Variants in EMCN observed in about 807,000 individuals in gnomAD.
The protein encoded by EMCN is MUC-14.
EMCN carries 37 observed loss-of-function variants against 38.4 expected under a neutral mutation model. That is an observed-to-expected ratio of 0.96 (90% CI 0.74 to 1.27). The LOEUF (loss-of-function observed/expected upper bound fraction) is 1.27. Among genes scored for constraint, EMCN ranks in the 50% most tolerant of loss-of-function variants. The pLI is 0.00. For synonymous variants in EMCN, 95 were observed against 100.8 expected (o/e 0.94, Z 0.35); for missense variants, 318 against 302.8 (o/e 1.05, Z -0.37).
chr4:100,479,673 C>T (rs192696899), intron 2 of EMCN, among the ~76,000 whole-genome samples: 3 of 152,080 alleles, frequency 2.0e-5, no homozygotes, highest in African/African-American at 7.2e-5. Context: ...GTGTATGTAA[C>T]ATTCACAATA....
At chr4:100,422,555 C>T (rs1726917301) in intron 7 of EMCN, among the ~76,000 whole-genome samples, 1 of 151,758 alleles carries the variant, frequency 6.6e-6, no homozygotes, top group African/African-American at 2.4e-5. Flanking sequence ...TCTATGAAGG[C>T]AAACAATTCA....
At chr4:100,489,190 AGG>A (rs1207753649) in intron 1 of EMCN, among the ~76,000 whole-genome samples, 1 of 152,168 alleles carries the variant, frequency 6.6e-6, no homozygotes, top group Non-Finnish European at 1.5e-5. Context: ...CATTGGCTAT[AGG>A]TTTAGAACTG....
At chr4:100,426,255 C>A (rs894525900) in intron 5 of EMCN, among the ~76,000 whole-genome samples, 4 of 152,128 alleles carry the variant, frequency 2.6e-5, no homozygotes, top group African/African-American at 9.7e-5. Context: ...TCCTCTGAAA[C>A]CCATCTCTCT....
At chr4:100,505,005 G>C (rs1054970757) in intron 1 of EMCN, among the ~76,000 whole-genome samples, 5 of 152,340 alleles carry the variant, frequency 3.3e-5, no homozygotes, top group Admixed American at 6.5e-5. Flanking sequence ...AGTACTAAAA[G>C]TCTCTGATAT....
intron 2 of EMCN, among the ~76,000 whole-genome samples, chr4:100,478,127 A>G (rs736516): frequency 0.26 from 39,433 of 151,948 alleles, 5,598 homozygotes; most frequent in African/African-American, 0.36. Flanking sequence ...TCATTCTCCT[A>G]TAAGCACCAC....
intron 4 of EMCN, among the ~76,000 whole-genome samples, chr4:100,455,390 T>C (rs1221757089): frequency 6.6e-6 from 1 of 152,122 alleles, no homozygotes; most frequent in Non-Finnish European, 1.5e-5. Context: ...TTCATGCCTT[T>C]ATTTAGATTG....
chr4:100,499,061 T>A lies in EMCN; in HGVS notation c.64+18790A>T, dbSNP rs1018839376. On this transcript the variant is annotated intron_variant, in intron 1 of 11. Coordinates refer to ENST00000296420, the MANE Select transcript of EMCN (RefSeq NM_016242.4). ...TAGGCTTTAGAAGTTAATGTTCCAT[T>A]TTTTTTTAAGTTACAGAATAAAAAA... Among the ~76,000 whole-genome samples the A allele has an allele frequency of 3.0e-4, 45 of 148,188 alleles. 1 individual carries two copies. The highest frequency in any genetic ancestry group is 8.3e-4 in the South Asian group (4 of 4,818).
At chr4:100,510,636 A>G (rs1191913026) in intron 1 of EMCN, among the ~76,000 whole-genome samples, 1 of 152,142 alleles carries the variant, frequency 6.6e-6, no homozygotes, top group Non-Finnish European at 1.5e-5. Context: ...CCTATGAGGT[A>G]ATTCCTTGTA....
At chr4:100,420,677 T>C (rs561718370) in intron 8 of EMCN, among the ~76,000 whole-genome samples, 10 of 152,054 alleles carry the variant, frequency 6.6e-5, no homozygotes, top group Non-Finnish European at 1.2e-4. Context: ...AGTTCACTAA[T>C]TGTGACAAAC....
intron 5 of EMCN, among the ~76,000 whole-genome samples, chr4:100,436,139 G>A (rs541396316): frequency 1.3e-5 from 2 of 151,978 alleles, no homozygotes; most frequent in African/African-American, 4.8e-5. Flanking sequence ...TATGATAAAA[G>A]TGTAATATCC....
At chr4:100,454,359 AACACTTC>A (rs1727946059) in intron 4 of EMCN, among the ~76,000 whole-genome samples, 1 of 151,970 alleles carries the variant, frequency 6.6e-6, no homozygotes, top group Non-Finnish European at 1.5e-5. Context: ...ATTGACAACT[AACACTTC>A]TTTTGAAGCA....
Position 100,518,021 on chromosome 4 carries a change from G to T in EMCN, c.-107C>A. 9.6e-7 allele frequency: 1 copy of T among 1,046,778 alleles called. No homozygotes were observed. Among genetic ancestry groups the T allele is most frequent in the Non-Finnish European group, 1.5e-6 (1 of 669,568 alleles). 64.8% of individuals were successfully genotyped at this position (1,046,778 alleles called of 1,614,324 possible). On this transcript the variant is annotated 5_prime_UTR_variant, in exon 1 of 12. Coordinates refer to ENST00000296420, the MANE Select transcript of EMCN (RefSeq NM_016242.4). ...AGCAAATGGAAAAGGTGTAGTGAAT[G>T]TGAATAGCCACTGCCCATTCCTACT...
At chr4:100,446,437 A>C (rs944994389) in intron 5 of EMCN, among the ~76,000 whole-genome samples, 2 of 152,162 alleles carry the variant, frequency 1.3e-5, no homozygotes, top group Admixed American at 1.3e-4. Context: ...AAGAGGTAGA[A>C]GTTAGACTAA....
chr4:100,468,828 T>C (rs1023861841), intron 3 of EMCN, among the ~76,000 whole-genome samples: 5 of 151,954 alleles, frequency 3.3e-5, no homozygotes, highest in Non-Finnish European at 5.9e-5. Flanking sequence ...AATCAATATA[T>C]AGATTTTTAA....
rs76765886 is a variant in EMCN, at chr4:100,502,256, T to A, written c.64+15595A>T. 3.1e-3 allele frequency among the ~76,000 whole-genome samples: 475 copies of A among 152,330 alleles called. 3 individuals carry two copies. Among genetic ancestry groups the A allele is most frequent in the African/African-American group, 0.011 (457 of 41,586 alleles). On this transcript the variant is annotated intron_variant, in intron 1 of 11. Coordinates refer to ENST00000296420, the MANE Select transcript of EMCN (RefSeq NM_016242.4). Reference sequence around the variant, plus strand: ...GATCTTTACCTGGCTGGGGCCATGTTACCTGCACATGTGGCAAGAAAGAAA... The same window carrying A: ...GATCTTTACCTGGCTGGGGCCATGTAACCTGCACATGTGGCAAGAAAGAAA...
At chr4:100,436,971 A>G (rs1727371174) in intron 5 of EMCN, among the ~76,000 whole-genome samples, 1 of 152,134 alleles carries the variant, frequency 6.6e-6, no homozygotes, top group Admixed American at 6.6e-5. Flanking sequence ...ATCACGGCAC[A>G]CGTTTATCTG....
At chr4:100,444,654 C>T (rs921029027) in intron 5 of EMCN, among the ~76,000 whole-genome samples, 3 of 152,066 alleles carry the variant, frequency 2.0e-5, no homozygotes, top group Admixed American at 1.3e-4. Flanking sequence ...AGCAGCTTGG[C>T]TGGTGGATGG....
chr4:100,442,157 A>C (rs1216668141), intron 5 of EMCN, among the ~76,000 whole-genome samples: 1 of 152,172 alleles, frequency 6.6e-6, no homozygotes, highest in Non-Finnish European at 1.5e-5. Context: ...AGCTTTGTTG[A>C]ACATAGTATA....
chr4:100,465,329 A>C (rs1403794684), intron 4 of EMCN, 94 bp downstream of exon 4: 1 of 698,168 alleles, frequency 1.4e-6, no homozygotes, highest in African/African-American at 1.8e-5. Flanking sequence ...TAAGCAGAGC[A>C]TAATTCCTTG....
Sources: gnomAD v4.1 joint callset for allele counts (sites outside exome capture counted in the v4.1 genomes callset) on GRCh38, gnomAD v4.1.1 for gene constraint, MANE v1.5 for transcripts, NCBI Gene and HGNC (gene_info 2026-07-23, HGNC 2026-07-21) for gene names.